HYAL4: variants seen among roughly 807,000 people sequenced by gnomAD.
HYAL4 encodes hyaluronidase 4.
A neutral mutation model predicts 35.2 loss-of-function variants in HYAL4; 37 were observed. The ratio of observed to expected loss-of-function variants is 1.05; its 90% confidence interval spans 0.81 to 1.38. HYAL4 has a LOEUF of 1.38. Ranked by LOEUF, HYAL4 falls within the 40% of genes most tolerant of loss-of-function variation. HYAL4 has a pLI of 0.00. For synonymous variants in HYAL4, 198 were observed against 203.2 expected (o/e 0.97, Z 0.22); for missense variants, 572 against 572.4 (o/e 1.00, Z 0.01).
intron 1 of HYAL4, among the ~76,000 whole-genome samples, chr7:123,837,756 A>G (rs1805988586): frequency 7.1e-6 from 1 of 139,964 alleles, no homozygotes; most frequent in Non-Finnish European, 1.5e-5. Flanking sequence ...CCTATGAGTG[A>G]GAACGCACGG....
intron 2 of HYAL4, among the ~76,000 whole-genome samples, chr7:123,860,490 G>C (rs1426058052): frequency 2.0e-5 from 3 of 152,256 alleles, no homozygotes; most frequent in African/African-American, 7.2e-5. Flanking sequence ...CTTGTGTACA[G>C]ACACACATGT....
At chr7:123,770,681 G>A in the HYAL4 span, among the ~76,000 whole-genome samples, 1 of 151,958 alleles carries the variant, frequency 6.6e-6, no homozygotes, top group African/African-American at 2.4e-5. Flanking sequence ...TGAAACTAGA[G>A]TACGTTGGGG....
the HYAL4 span, among the ~76,000 whole-genome samples, chr7:123,768,688 T>C: frequency 6.6e-6 from 1 of 152,200 alleles, no homozygotes; most frequent in African/African-American, 2.4e-5. Context: ...CAGTCCAGTG[T>C]CCTGCAATCT....
In HYAL4 at chr7:123,868,081, A is replaced by G. The variant is rs569402271; in HGVS notation, c.-51-142A>G. ...AAGCTAGGTCTCTACATATGCTTCT[A>G]TATCTCAATTTATTTATAGGCCTCT... On this transcript the variant is annotated intron_variant, in intron 2 of 4. Coordinates refer to ENST00000223026, the MANE Select transcript of HYAL4 (RefSeq NM_012269.3). 2.4e-4 allele frequency: 93 copies of G among 381,776 alleles called. 1 individual carries two copies. The highest frequency in any genetic ancestry group is 1.7e-3 in the African/African-American group (83 of 48,182). The allele number at this position is 381,776 out of a possible 1,614,324, so 23.6% of individuals were successfully genotyped here. A position where few individuals can be genotyped will look rare whatever the true frequency, so the allele number is the denominator to read the frequency against.
At chr7:123,823,719 CAT>C in the HYAL4 span, among the ~76,000 whole-genome samples, 2 of 116,882 alleles carry the variant, frequency 1.7e-5, no homozygotes, top group South Asian at 2.6e-4. Context: ...TATATATACA[CAT>C]ATATATTTTA....
the HYAL4 span, among the ~76,000 whole-genome samples, chr7:123,771,835 A>G: frequency 6.9e-6 from 1 of 144,690 alleles, no homozygotes; most frequent in Non-Finnish European, 1.5e-5. Flanking sequence ...TTACCCATCC[A>G]TGTAGAGATT....
intron 1 of HYAL4, chr7:123,829,135 T>C (rs1453905343): frequency 6.6e-6 from 1 of 152,612 alleles, no homozygotes; most frequent in Non-Finnish European, 1.5e-5. Context: ...GTAAGAAATA[T>C]GTTCTAAACA....
At chr7:123,841,082 G>A (rs1290030119), upstream of HYAL4, among the ~76,000 whole-genome samples, 2 of 151,952 alleles carry the variant, frequency 1.3e-5, no homozygotes, top group South Asian at 2.1e-4. Flanking sequence ...CAACAGGAAT[G>A]CTTCCAGCTT....
the HYAL4 span, among the ~76,000 whole-genome samples, chr7:123,778,155 G>GTCTATCTATCTA: frequency 9.0e-4 from 119 of 132,722 alleles, no homozygotes; most frequent in Middle Eastern, 3.6e-3. Context: ...CTATCTGTCT[G>GTCTATCTATCTA]TCTGTCTATC....
chr7:123,797,237 G>C, the HYAL4 span, among the ~76,000 whole-genome samples: 6 of 152,178 alleles, frequency 3.9e-5, no homozygotes, highest in South Asian at 1.2e-3. Context: ...GCATCTATTT[G>C]CTATGACTAT....
chr7:123,775,453 GA>G, the HYAL4 span, among the ~76,000 whole-genome samples: 1 of 149,776 alleles, frequency 6.7e-6, no homozygotes, highest in East Asian at 1.9e-4. Context: ...AAAAATGAAA[GA>G]AAAAAAGTGC....
intron 2 of HYAL4, 36 bp from the exon 3 acceptor site, chr7:123,868,187 A>G (rs911132345): frequency 2.7e-5 from 17 of 619,106 alleles, no homozygotes; most frequent in Non-Finnish European, 4.5e-5. Flanking sequence ...TTTTTCCTCA[A>G]AACTATGACT....
At chr7:123,843,817 A>G (rs1446286877), upstream of HYAL4, among the ~76,000 whole-genome samples, 1 of 151,780 alleles carries the variant, frequency 6.6e-6, no homozygotes, top group East Asian at 1.9e-4. Context: ...TCCGTCATGA[A>G]GTTCTTGTGC....
At chr7:123,841,450 T>C (rs1020511842), upstream of HYAL4, among the ~76,000 whole-genome samples, 1 of 152,078 alleles carries the variant, frequency 6.6e-6, no homozygotes, top group Non-Finnish European at 1.5e-5. Flanking sequence ...TCTAAAATTC[T>C]CTTTTCTGTG....
At chr7:123,846,422 T>C (rs1010837889) in intron 1 of HYAL4, among the ~76,000 whole-genome samples, 2 of 151,372 alleles carry the variant, frequency 1.3e-5, no homozygotes, top group Non-Finnish European at 2.9e-5. Flanking sequence ...GTCAGGGGAG[T>C]GAGGGAAAGC....
At chr7:123,828,947 T>G (rs1334792458), upstream of HYAL4, 1 of 152,650 alleles carries the variant, frequency 6.6e-6, no homozygotes, top group Non-Finnish European at 1.5e-5. Context: ...GATTTCTGTT[T>G]TTCCTACAGG....
chr7:123,849,443 G>A (rs149832635), intron 2 of HYAL4, among the ~76,000 whole-genome samples: 3,186 of 151,908 alleles, frequency 0.021, 102 homozygotes, highest in African/African-American at 0.073. Context: ...TGGGATTACA[G>A]GCACCCACCA....
At chr7:123,830,681 T>G (rs1454530497) in intron 1 of HYAL4, among the ~76,000 whole-genome samples, 2 of 152,242 alleles carry the variant, frequency 1.3e-5, no homozygotes, top group Non-Finnish European at 2.9e-5. Flanking sequence ...TATGTTATAA[T>G]CAGTCTTTCT....
the HYAL4 span, among the ~76,000 whole-genome samples, chr7:123,770,270 G>A: frequency 6.6e-6 from 1 of 151,826 alleles, no homozygotes; most frequent in African/African-American, 2.4e-5. Flanking sequence ...GTGAAATCCC[G>A]TCTCTACTAA....
Sources: gnomAD v4.1 joint callset for allele counts (sites outside exome capture counted in the v4.1 genomes callset) on GRCh38, gnomAD v4.1.1 for gene constraint, MANE v1.5 for transcripts, NCBI Gene and HGNC (gene_info 2026-07-23, HGNC 2026-07-21) for gene names.